The following NCK2 variants were observed in gnomAD, a reference collection of about 807,000 sequenced individuals.
NCK2 encodes NCK adaptor protein 2.
Under a neutral mutation model 33.9 loss-of-function variants are expected in NCK2, and 16 were observed. The ratio of observed to expected loss-of-function variants is 0.47; its 90% CI spans 0.32 to 0.72. The LOEUF (loss-of-function observed/expected upper bound fraction) is 0.72, where lower values mean the gene tolerates loss of function less well. Ranked by LOEUF, NCK2 falls within the 30% of genes least tolerant of loss-of-function variation. The pLI is 0.03. For synonymous variants in NCK2, 273 were observed against 239.9 expected, an observed-to-expected ratio of 1.14 and a Z score of -1.27; for missense variants, 418 against 537.3, an observed-to-expected ratio of 0.78 and a Z score of 2.19.
chr2:105,892,987 C>T lies in NCK2; in HGVS notation c.954C>T (p.Ser318=), dbSNP rs748686837. 3.1e-6 allele frequency: 5 copies of T among 1,605,426 alleles called. No individual in the cohort carries two copies. The South Asian group carries it at 5.5e-5, about 18-fold the overall frequency. Reference sequence around the variant, plus strand: ...GTGTTCTGTTTCCTCCCCAGCCCAGCGACTTCTCCGTGTCCCTTAAAGCGT... The same window carrying T: ...GTGTTCTGTTTCCTCCCCAGCCCAGTGACTTCTCCGTGTCCCTTAAAGCGT... ...FLIRDSESSP[S]DFSVSLKASG... is the part of the protein sequence containing the mutation. Residue 318 remains serine, a synonymous_variant, in exon 5 of 5, where the codon AGC becomes AGT. Transcript: ENST00000233154.
intron 2 of NCK2, among the ~76,000 whole-genome samples, chr2:105,831,299 C>T (rs189472582): frequency 1.8e-4 from 27 of 152,008 alleles, no homozygotes; most frequent in African/African-American, 5.5e-4. Context: ...TGTAGGAAAC[C>T]GCAAAAGAAC....
Position 105,765,429 on chromosome 2 carries a change from G to A in NCK2, c.-201+20291G>A, listed in dbSNP as rs142784410. On this transcript the variant is annotated intron_variant, in intron 1 of 4. Transcript: ENST00000233154. Reference sequence around the variant, plus strand: ...ATTCCATCATGGTCATCCTGAGGCCGGCCCCACGGCCAGTTCTTGGCTTTT... The same window carrying A: ...ATTCCATCATGGTCATCCTGAGGCCAGCCCCACGGCCAGTTCTTGGCTTTT... 3.0e-3 allele frequency among the ~76,000 whole-genome samples: 456 copies of A among 152,292 alleles called. 3 individuals are homozygous for A. The highest frequency in any genetic ancestry group is 0.014 in the Middle Eastern group (4 of 294).
At chr2:105,753,306 T>G (rs1689511957) in intron 1 of NCK2, among the ~76,000 whole-genome samples, 1 of 152,122 alleles carries the variant, frequency 6.6e-6, no homozygotes, top group African/African-American at 2.4e-5. Context: ...AGGGGAAGCC[T>G]TGGATGGTCA....
At chr2:105,760,855 A>G (rs2104353311) in intron 1 of NCK2, among the ~76,000 whole-genome samples, 1 of 151,966 alleles carries the variant, frequency 6.6e-6, no homozygotes, top group South Asian at 2.1e-4. Context: ...TTGAGCAAAT[A>G]AAAAATCACC....
At chr2:105,859,888 C>T (rs1024646170) in intron 3 of NCK2, among the ~76,000 whole-genome samples, 4 of 152,150 alleles carry the variant, frequency 2.6e-5, no homozygotes, top group African/African-American at 7.2e-5. Flanking sequence ...GGCAGGCTCA[C>T]GGGCACACCT....
At chr2:105,790,099 A>C (rs1690827557) in intron 1 of NCK2, among the ~76,000 whole-genome samples, 2 of 152,258 alleles carry the variant, frequency 1.3e-5, no homozygotes, top group South Asian at 4.1e-4. Context: ...CTATTTGTAG[A>C]ACGAGAAGAA....
At chr2:105,762,272 G>A (rs1223695930) in intron 1 of NCK2, among the ~76,000 whole-genome samples, 1 of 152,154 alleles carries the variant, frequency 6.6e-6, no homozygotes, top group Non-Finnish European at 1.5e-5. Flanking sequence ...GAAACAGGCA[G>A]CTAATGGGCA....
chr2:105,810,581 C>G (rs1464116894), intron 1 of NCK2, among the ~76,000 whole-genome samples: 1 of 152,128 alleles, frequency 6.6e-6, no homozygotes, highest in Non-Finnish European at 1.5e-5. Flanking sequence ...TGCTGGTGAA[C>G]CTGTTAAAAA....
intron 1 of NCK2, among the ~76,000 whole-genome samples, chr2:105,757,387 A>G (rs973918681): frequency 1.3e-5 from 2 of 152,030 alleles, no homozygotes; most frequent in Non-Finnish European, 2.9e-5. Flanking sequence ...GTGGCATGGG[A>G]TGAACTGATC....
At chr2:105,850,440 G>T (rs537405265) in intron 2 of NCK2, among the ~76,000 whole-genome samples, 2 of 152,284 alleles carry the variant, frequency 1.3e-5, no homozygotes, top group African/African-American at 4.8e-5. Context: ...GACTTGAAAA[G>T]GCAGCTTAGC....
intron 2 of NCK2, among the ~76,000 whole-genome samples, chr2:105,839,096 C>A (rs373850480): frequency 1.3e-4 from 20 of 151,962 alleles, no homozygotes; most frequent in East Asian, 1.2e-3. Context: ...ATTTGAATGG[C>A]GGCTTGAACA....
chr2:105,812,535 C>T (rs1174838159), intron 1 of NCK2, among the ~76,000 whole-genome samples: 4 of 152,220 alleles, frequency 2.6e-5, no homozygotes, highest in South Asian at 2.1e-4. Flanking sequence ...GTACTCTGAA[C>T]GGGAGATCCA....
chr2:105,853,654 G>A (rs1229628685), intron 2 of NCK2, among the ~76,000 whole-genome samples: 1 of 152,208 alleles, frequency 6.6e-6, no homozygotes, highest in African/African-American at 2.4e-5. Context: ...ATTTGTTGAA[G>A]AACAGTAAGG....
At chr2:105,753,222 C>T (rs1368813972) in intron 1 of NCK2, among the ~76,000 whole-genome samples, 3 of 152,296 alleles carry the variant, frequency 2.0e-5, no homozygotes, top group Admixed American at 6.5e-5. Context: ...ATTCTGGGAA[C>T]GCCTTATCAG....
At chr2:105,873,212 T>A (rs567683424) in intron 3 of NCK2, among the ~76,000 whole-genome samples, 2 of 152,320 alleles carry the variant, frequency 1.3e-5, no homozygotes, top group African/African-American at 4.8e-5. Context: ...TGAAATCGAT[T>A]TGTACCCAAA....
chr2:105,833,354 G>A (rs918848665), intron 2 of NCK2, among the ~76,000 whole-genome samples: 1 of 152,070 alleles, frequency 6.6e-6, no homozygotes, highest in Non-Finnish European at 1.5e-5. Context: ...ACTTCCCAAA[G>A]TGCTGGGATT....
At chr2:105,805,564 C>T (rs1675001080) in intron 1 of NCK2, among the ~76,000 whole-genome samples, 2 of 152,070 alleles carry the variant, frequency 1.3e-5, no homozygotes, top group African/African-American at 4.8e-5. Flanking sequence ...TTACTCATAA[C>T]CAAAATTTTG....
rs149852462 is a variant in NCK2 at position 105,773,732 on chromosome 2, A to G, written c.-201+28594A>G. Among the ~76,000 whole-genome samples, 584 of 152,216 alleles carry G rather than the reference A, an allele frequency of 3.8e-3. 11 individuals are homozygous for G. The highest frequency in any genetic ancestry group is 2.5e-3 in the South Asian group (12 of 4,824). ...GAGCACCTACTCTGAGCCAGGTGCT[A>G]TTTCAGGCCCTGGTGATCCTGCGGT... On this transcript the variant is annotated intron_variant, in intron 1 of 4. Coordinates refer to ENST00000233154, the MANE Select transcript of NCK2 (RefSeq NM_003581.5).
chr2:105,871,796 G>C (rs931995819), intron 3 of NCK2, among the ~76,000 whole-genome samples: 5 of 152,090 alleles, frequency 3.3e-5, no homozygotes, highest in Admixed American at 6.6e-5. Context: ...TGCCCGGCCT[G>C]GTTTTTGTTT....
Sources: gnomAD v4.1 joint callset for allele counts (sites outside exome capture counted in the v4.1 genomes callset) on GRCh38, gnomAD v4.1.1 for gene constraint, MANE v1.5 for transcripts, NCBI Gene and HGNC (gene_info 2026-07-23, HGNC 2026-07-21) for gene names.